The following AGTPBP1 variants were observed in gnomAD, a reference collection of about 807,000 sequenced individuals.
The protein encoded by AGTPBP1 is cytosolic carboxypeptidase 1.
In AGTPBP1, 70 loss-of-function variants were observed where a neutral mutation model predicts 143.9. That is an observed-to-expected ratio of 0.49 (90% CI 0.40 to 0.59). The LOEUF (loss-of-function observed/expected upper bound fraction) is 0.59, where lower values mean the gene tolerates loss of function less well. AGTPBP1 is among the 20% of genes least tolerant of loss of function. The pLI is 0.00. For synonymous variants in AGTPBP1, 463 were observed against 500.2 expected (o/e 0.93, Z 0.99); for missense variants, 1,229 against 1,464.5 (o/e 0.84, Z 2.62).
At position 85,669,465 on chromosome 9, in the gene AGTPBP1, C is replaced by T. The variant is rs369311433; in HGVS notation, c.662+20G>A. The T allele has an allele frequency of 4.2e-5, 63 of 1,508,082 alleles. No individual in the cohort carries two copies. Among genetic ancestry groups the T allele is most frequent in the Non-Finnish European group, 5.4e-5 (59 of 1,087,152 alleles). The allele number at this position is 1,508,082 out of a possible 1,614,324, so 93.4% of individuals were successfully genotyped here. A position where few individuals can be genotyped will look rare whatever the true frequency, so the allele number is the denominator to read the frequency against. On this transcript the variant is annotated intron_variant, in intron 8 of 25. Transcript: ENST00000357081. ...GTAACAAAGGCTATACCTATGTTTACATTCAAAACATTTACTCACTTTATA... is the reference window on the plus strand; with the variant it reads ...GTAACAAAGGCTATACCTATGTTTATATTCAAAACATTTACTCACTTTATA...
chr9:85,575,972 C>CA (rs1374526335), intron 24 of AGTPBP1, among the ~76,000 whole-genome samples: 1 of 151,974 alleles, frequency 6.6e-6, no homozygotes, highest in African/African-American at 2.4e-5. Flanking sequence ...AGGTAACTGT[C>CA]AAAAAAAGAA....
the AGTPBP1 span, among the ~76,000 whole-genome samples, chr9:85,769,124 A>G: frequency 6.6e-6 from 1 of 151,920 alleles, no homozygotes; most frequent in Non-Finnish European, 1.5e-5. Flanking sequence ...GAGAGAAATA[A>G]CATGGGTCCT....
intron 23 of AGTPBP1, among the ~76,000 whole-genome samples, chr9:85,584,329 C>T (rs1003107791): frequency 2.6e-5 from 4 of 152,136 alleles, no homozygotes; most frequent in Non-Finnish European, 5.9e-5. Flanking sequence ...GCTCTCCCTC[C>T]ACCTTTATCC....
chr9:85,552,106 T>C (rs888107851), intron 25 of AGTPBP1, among the ~76,000 whole-genome samples: 1 of 152,178 alleles, frequency 6.6e-6, no homozygotes, highest in Admixed American at 6.5e-5. Context: ...AATATTTCAT[T>C]CTAAAGAAAA....
At position 85,589,774 on chromosome 9, in the gene AGTPBP1, G is replaced by T. The variant is rs78288287; in HGVS notation, c.2569-93C>A. On this transcript the variant is annotated intron_variant, in intron 19 of 25. Coordinates refer to ENST00000357081, the MANE Select transcript of AGTPBP1 (RefSeq NM_001330701.2). ...CATCCAGATCTCCACATAACTAGAA[G>T]TGAATCAGATTCTTAACCCCTTATC... is the stretch of plus-strand genomic sequence containing the variant. 2.2e-3 allele frequency: 2,769 copies of T among 1,239,880 alleles called. 43 individuals carry two copies. The African/African-American group carries it at 0.037, about 17-fold the overall frequency. 76.8% of individuals were successfully genotyped at this position (1,239,880 alleles called of 1,614,324 possible). A position where few individuals can be genotyped will look rare whatever the true frequency, so the allele number is the denominator to read the frequency against.
intron 4 of AGTPBP1, 37 bp downstream of exon 4, chr9:85,681,231 T>C: frequency 6.3e-7 from 1 of 1,588,122 alleles, no homozygotes; most frequent in Middle Eastern, 1.7e-4. Context: ...TTGCTTGGCA[T>C]TAGTAGTTAC....
chr9:85,764,628 C>T, the AGTPBP1 span: 1,349 of 602,158 alleles, frequency 2.2e-3, 16 homozygotes, highest in African/African-American at 0.023. Flanking sequence ...TAGCAATTTT[C>T]TCTATGTTTT....
chr9:85,710,046 T>C (rs1837268913), intron 2 of AGTPBP1, among the ~76,000 whole-genome samples: 1 of 152,148 alleles, frequency 6.6e-6, no homozygotes, highest in African/African-American at 2.4e-5. Context: ...GAGTACCTTA[T>C]TTTCTAATTC....
intron 24 of AGTPBP1, among the ~76,000 whole-genome samples, 157 bp from the exon 25 acceptor site, chr9:85,575,632 A>G (rs1454663508): frequency 6.6e-6 from 1 of 152,206 alleles, no homozygotes; most frequent in Non-Finnish European, 1.5e-5. Flanking sequence ...TAACATCTTA[A>G]CAATACAAGA....
chr9:85,741,145 G>A (rs1824234361), intron 1 of AGTPBP1: 1 of 868,858 alleles, frequency 1.2e-6, no homozygotes, highest in African/African-American at 1.8e-5. Flanking sequence ...TGTCATCCAG[G>A]GTGATCTGAT....
chr9:85,674,500 G>A (rs1834699655), intron 6 of AGTPBP1, among the ~76,000 whole-genome samples: 1 of 151,286 alleles, frequency 6.6e-6, no homozygotes, highest in African/African-American at 2.4e-5. Context: ...ATAAATAAGG[G>A]GTTTTTTTTA....
At chr9:85,763,706 A>G in the AGTPBP1 span, among the ~76,000 whole-genome samples, 3 of 152,252 alleles carry the variant, frequency 2.0e-5, no homozygotes, top group South Asian at 4.1e-4. Context: ...GACAATGTCT[A>G]AAATTGATAA....
At chr9:85,776,508 A>C in the AGTPBP1 span, among the ~76,000 whole-genome samples, 3 of 152,044 alleles carry the variant, frequency 2.0e-5, no homozygotes, top group Admixed American at 1.3e-4. Flanking sequence ...TTTCCAATTG[A>C]CCTTAATCAC....
chr9:85,783,587 ATCAG>A, the AGTPBP1 span, among the ~76,000 whole-genome samples: 1 of 152,136 alleles, frequency 6.6e-6, no homozygotes, highest in Non-Finnish European at 1.5e-5. Flanking sequence ...ATGCTTAATA[ATCAG>A]TATCCTAGTT....
chr9:85,769,274 G>T, the AGTPBP1 span, among the ~76,000 whole-genome samples: 3 of 152,040 alleles, frequency 2.0e-5, no homozygotes, highest in Admixed American at 6.6e-5. Context: ...GGAACTTATC[G>T]AGGTGGCCTC....
chr9:85,721,405 G>A (rs1838103931), intron 1 of AGTPBP1, among the ~76,000 whole-genome samples: 1 of 151,752 alleles, frequency 6.6e-6, no homozygotes, highest in Non-Finnish European at 1.5e-5. Flanking sequence ...TGATCCCTTT[G>A]CCATCATGTA....
At chr9:85,770,168 T>G in the AGTPBP1 span, 2 of 689,750 alleles carry the variant, frequency 2.9e-6, no homozygotes, top group African/African-American at 3.6e-5. Flanking sequence ...TTTCTTAAAA[T>G]GTAGTACAAG....
chr9:85,712,578 A>G lies in AGTPBP1; in HGVS notation c.-33-12T>C. 1 of 1,305,932 alleles carries G rather than the reference A, an allele frequency of 7.7e-7. No individual in the cohort carries two copies. The highest frequency in any genetic ancestry group is 1.0e-6 in the Non-Finnish European group (1 of 957,554). The allele number at this position is 1,305,932 out of a possible 1,614,324, so 80.9% of individuals were successfully genotyped here. A position where few individuals can be genotyped will look rare whatever the true frequency, so the allele number is the denominator to read the frequency against. ...TAATTGCAGATAATCTAAAAGAAAA[A>G]TGTTAATGATATTAAAAACTTATAA... is the stretch of plus-strand genomic sequence containing the variant. On this transcript the variant is annotated splice_polypyrimidine_tract_variant and intron_variant, in intron 1 of 25. Coordinates refer to ENST00000357081, the MANE Select transcript of AGTPBP1 (RefSeq NM_001330701.2).
At chr9:85,724,169 C>T (rs1273244198) in intron 1 of AGTPBP1, among the ~76,000 whole-genome samples, 1 of 151,534 alleles carries the variant, frequency 6.6e-6, no homozygotes, top group African/African-American at 2.4e-5. Context: ...TACTTGTAAT[C>T]CAAGCTACTC....
Sources: allele counts gnomAD v4.1 joint callset (sites outside exome capture counted in the v4.1 genomes callset), GRCh38; gene constraint gnomAD v4.1.1; transcripts MANE v1.5; gene names NCBI Gene and HGNC (gene_info 2026-07-23, HGNC 2026-07-21).